ERCC3: variants seen among roughly 807,000 people sequenced by gnomAD.
ERCC3 encodes ERCC excision repair 3, TFIIH core complex helicase subunit.
Under a neutral mutation model 94.2 loss-of-function variants are expected in ERCC3, and 66 were observed. That is an observed-to-expected ratio of 0.70 (90% CI 0.57 to 0.86). The LOEUF is 0.86. Ranked by LOEUF, ERCC3 falls within the 40% of genes least tolerant of loss-of-function variation. ERCC3 has a pLI of 0.00. For missense variants in ERCC3, 829 were observed against 987.1 expected, an observed-to-expected ratio of 0.84 and a Z score of 2.15; for synonymous variants, 349 against 369.1, an observed-to-expected ratio of 0.95 and a Z score of 0.63.
At chr2:127,285,678 G>A (rs1037794189) in intron 8 of ERCC3, among the ~76,000 whole-genome samples, 1 of 150,908 alleles carries the variant, frequency 6.6e-6, no homozygotes, top group South Asian at 2.1e-4. Flanking sequence ...CAACAAGAGC[G>A]AAACTGTCTC....
At chr2:127,275,679 G>A (rs1684714451) in intron 10 of ERCC3, among the ~76,000 whole-genome samples, 1 of 152,192 alleles carries the variant, frequency 6.6e-6, no homozygotes, top group African/African-American at 2.4e-5. Context: ...TCTTAAATAA[G>A]GCAAAGTAAA....
At chr2:127,290,661 A>G in intron 3 of ERCC3, 1 of 309,710 alleles carries the variant, frequency 3.2e-6, no homozygotes, top group Non-Finnish European at 6.2e-6. Flanking sequence ...AAGCCTCTTC[A>G]CCAATGCTCC....
chr2:127,260,851 C>A, intron 13 of ERCC3: 1 of 217,628 alleles, frequency 4.6e-6, no homozygotes, highest in South Asian at 8.5e-5. Context: ...ATTAAAATAC[C>A]TGATTTGTAG....
At chr2:127,272,006 T>A (rs1684569625) in intron 11 of ERCC3, among the ~76,000 whole-genome samples, 1 of 138,946 alleles carries the variant, frequency 7.2e-6, no homozygotes, top group African/African-American at 2.7e-5. Flanking sequence ...AAATCTCATT[T>A]CTTTTTTTTT....
intron 10 of ERCC3, among the ~76,000 whole-genome samples, chr2:127,275,422 C>T (rs932117120): frequency 3.3e-5 from 5 of 152,192 alleles, no homozygotes; most frequent in Non-Finnish European, 7.3e-5. Flanking sequence ...GTAAAAAGTA[C>T]ACATTGTAAT....
Position 127,271,550 on chromosome 2 carries a change from A to G in ERCC3, c.1828-97T>C. On this transcript the variant is annotated intron_variant, in intron 11 of 14. Coordinates refer to ENST00000285398, the MANE Select transcript of ERCC3 (RefSeq NM_000122.2). The surrounding 1 kb of genome is among the most constrained non-coding windows in gnomAD (Gnocchi z 5.0). ...AGTTCTGTAGATAATTTTGAAACAT[A>G]ATCACTCTTTTCTCCTCTTTATACC... 1 of 888,836 alleles carries G rather than the reference A, an allele frequency of 1.1e-6. No homozygotes were observed. Among genetic ancestry groups the G allele is most frequent in the South Asian group, 1.3e-5 (1 of 75,532 alleles). 55.1% of individuals were successfully genotyped at this position (888,836 alleles called of 1,614,324 possible).
Position 127,292,673 on chromosome 2 carries a change from G to A in ERCC3, c.408C>T (p.Ile136=). 1.2e-6 allele frequency: 2 copies of A among 1,614,192 alleles called. No individual in the cohort carries two copies. The highest frequency in any genetic ancestry group is 1.7e-6 in the Non-Finnish European group (2 of 1,180,016). ...TGCTGAGCTTCCTGAGGTACTCGGT[G>A]ATGTCACTGGTTTGCAGCCCAACGC... ...AVSVGLQTSD[I]TEYLRKLSKT... The change falls in exon 3 of 15, where the codon ATC becomes ATT. Residue 136 remains isoleucine (I), a synonymous_variant. Coordinates refer to ENST00000285398, the MANE Select transcript of ERCC3 (RefSeq NM_000122.2).
rs199795595 is a variant in ERCC3, at chr2:127,280,564, G to C, written c.1410C>G (p.Leu470=). 1 of 1,614,038 alleles carries C rather than the reference G, an allele frequency of 6.2e-7. No homozygotes were observed. Among genetic ancestry groups the C allele is most frequent in the Admixed American group, 1.7e-5 (1 of 60,004 alleles). ...CCACAATTTTGTCATCTTCGCGGACGAGGGTCGCAGTCAAACCCAGCTTAC... is the reference window on the plus strand; with the variant it reads ...CCACAATTTTGTCATCTTCGCGGACCAGGGTCGCAGTCAAACCCAGCTTAC... The part of the protein sequence containing the change: ...AHCKLGLTAT[L]VREDDKIVDL... Residue 470 remains leucine, a synonymous_variant, in exon 9 of 15, where the codon CTC becomes CTG. Transcript: ENST00000285398. This position sits in a 1 kb window ranked among gnomAD's most constrained non-coding sequence, Gnocchi z 6.3.
Position 127,280,203 on chromosome 2 carries a change from C to A in ERCC3, c.1527+244G>T, listed in dbSNP as rs1045379046. ...CCCACAGAAATCCATGACTGGTAAA[C>A]CCCATGGCTAGGAAAAAGAATCATC... On this transcript the variant is annotated intron_variant, in intron 9 of 14. Transcript: ENST00000285398. This position sits in a 1 kb window ranked among gnomAD's most constrained non-coding sequence, Gnocchi z 6.3. 6.6e-6 allele frequency among the ~76,000 whole-genome samples: 1 copy of A among 152,328 alleles called. No homozygotes were observed. Among genetic ancestry groups the A allele is most frequent in the African/African-American group, 2.4e-5 (1 of 41,566 alleles).
intron 11 of ERCC3, among the ~76,000 whole-genome samples, chr2:127,272,545 A>G (rs1684592818): frequency 6.6e-6 from 1 of 152,188 alleles, no homozygotes; most frequent in Non-Finnish European, 1.5e-5. Context: ...CTTCATCTAA[A>G]TGCCTACTTT....
At chr2:127,293,375 A>G (rs558732202) in intron 2 of ERCC3, 138 bp downstream of exon 2, 8 of 821,546 alleles carry the variant, frequency 9.7e-6, no homozygotes, top group Middle Eastern at 3.5e-4. Flanking sequence ...GGCTGTTCCA[A>G]CGTGTGTGGA....
At chr2:127,266,709 A>AT (rs960627621) in intron 12 of ERCC3, among the ~76,000 whole-genome samples, 6,870 of 87,468 alleles carry the variant, frequency 0.079, 618 homozygotes, top group African/African-American at 0.17. Flanking sequence ...ATGATCAATT[A>AT]TTTTTTTTTT....
chr2:127,275,347 A>G (rs949563956), intron 10 of ERCC3, among the ~76,000 whole-genome samples: 2 of 152,180 alleles, frequency 1.3e-5, no homozygotes, highest in African/African-American at 4.8e-5. Context: ...TCATTTTAGA[A>G]GCGAGAAAAC....
chr2:127,291,889 T>C lies in ERCC3; in HGVS notation c.471+721A>G, dbSNP rs1685282627. 1 of 153,604 alleles carries C rather than the reference T, an allele frequency of 6.5e-6. No homozygotes were observed. The highest frequency in any genetic ancestry group is 6.4e-5 in the Admixed American group (1 of 15,516). The allele number at this position is 153,604 out of a possible 1,614,324, so 9.5% of individuals were successfully genotyped here. A position where few individuals can be genotyped will look rare whatever the true frequency, so the allele number is the denominator to read the frequency against. On this transcript the variant is annotated intron_variant, in intron 3 of 14. Coordinates refer to ENST00000285398, the MANE Select transcript of ERCC3 (RefSeq NM_000122.2). The surrounding 1 kb of genome is among the most constrained non-coding windows in gnomAD (Gnocchi z 4.9). The stretch of plus-strand genomic sequence containing the variant: ...TGACTATTGGTCTCCTGCAGATACT[T>C]AGCTTTAGACAGAGTTTACCACCTG...
At chr2:127,262,738 A>G (rs1213489774) in intron 12 of ERCC3, 1 of 152,130 alleles carries the variant, frequency 6.6e-6, no homozygotes, top group African/African-American at 2.4e-5. Flanking sequence ...TAGTTGCACA[A>G]CTTTGTGAAT....
In ERCC3 at chr2:127,279,167, TCTTA is replaced by T; in HGVS notation, c.1730+2_1730+5del. 6.2e-7 allele frequency: 1 copy of T among 1,601,706 alleles called. No homozygotes were observed. Among genetic ancestry groups the T allele is most frequent in the Non-Finnish European group, 8.6e-7 (1 of 1,168,792 alleles). On this transcript the variant is annotated splice_donor_variant and splice_donor_5th_base_variant and intron_variant, in intron 10 of 14. Transcript: ENST00000285398. LOFTEE classifies it high-confidence loss of function. The surrounding 1 kb of genome is among the most constrained non-coding windows in gnomAD (Gnocchi z 4.7). ...CTGGAGGAAGCTCCAAGTTTTCAATTCTTACTTGTTCAGTCGAATGGCATATTCC... is the reference window on the plus strand; with the variant it reads ...CTGGAGGAAGCTCCAAGTTTTCAATTCTTGTTCAGTCGAATGGCATATTCC...
In ERCC3 at chr2:127,274,482, C is replaced by T. The variant is rs1270703107; in HGVS notation, c.1731-1521G>A. Among the ~76,000 whole-genome samples, 1 of 152,160 alleles carries T rather than the reference C, an allele frequency of 6.6e-6. No individual in the cohort carries two copies. Among genetic ancestry groups the T allele is most frequent in the East Asian group, 1.9e-4 (1 of 5,194 alleles). On this transcript the variant is annotated intron_variant, in intron 10 of 14. Coordinates refer to ENST00000285398, the MANE Select transcript of ERCC3 (RefSeq NM_000122.2). This position sits in a 1 kb window ranked among gnomAD's most constrained non-coding sequence, Gnocchi z 4.0. ...GGAGTGGCTGCTCCACTGCCGAGGC[C>T]CGTTAGCACCCAGAGCAGTGCCCAT...
rs751705179 is a variant in ERCC3, at chr2:127,289,735, C to T, written c.611G>A (p.Gly204Glu). The change falls in exon 5 of 15, where the codon GGG becomes GAG. Residue 204 changes from glycine to glutamate, a missense_variant. Physicochemically the swap from Gly to Glu is moderately conservative, Grantham distance 98. Transcript: ENST00000285398. ...CTCTGTGATGAGCTCAGTGGCCTCCCCTTCAGAGTTTCTTAAGCGGCATTC... is the reference window on the plus strand; with the variant it reads ...CTCTGTGATGAGCTCAGTGGCCTCCTCTTCAGAGTTTCTTAAGCGGCATTC... Reference protein sequence around the residue: ...IRECRLRNSEGEATELITETF... With the variant: ...IRECRLRNSEEEATELITETF... The T allele has an allele frequency of 1.2e-6, 2 of 1,613,988 alleles. No homozygotes were observed. The highest frequency in any genetic ancestry group is 1.7e-6 in the Non-Finnish European group (2 of 1,180,040).
chr2:127,287,237 C>T (rs995775707), intron 7 of ERCC3, among the ~76,000 whole-genome samples: 1 of 152,134 alleles, frequency 6.6e-6, no homozygotes, highest in Non-Finnish European at 1.5e-5. Context: ...GGCGCTGGGG[C>T]CTACTGTAGC....
Sources: allele counts gnomAD v4.1 joint callset (sites outside exome capture counted in the v4.1 genomes callset), GRCh38; gene constraint gnomAD v4.1.1; non-coding constraint Gnocchi (gnomAD v3.1); transcripts MANE v1.5; gene names NCBI Gene and HGNC (gene_info 2026-07-23, HGNC 2026-07-21).